The following MAPK4 variants were observed in gnomAD, a reference collection of about 807,000 sequenced individuals.
MAPK4 encodes the protein Erk3-related.
A neutral mutation model predicts 47.7 loss-of-function variants in MAPK4; 22 were observed. That is an observed-to-expected ratio of 0.46 (90% CI 0.33 to 0.66). MAPK4 has a LOEUF of 0.66. Among genes scored for constraint, MAPK4 ranks in the 30% least tolerant of loss-of-function variants. The pLI, the probability that MAPK4 is intolerant of heterozygous loss-of-function variation, is 0.02. For missense variants in MAPK4, 736 were observed against 831.7 expected (o/e 0.88, Z 1.42); for synonymous variants, 390 against 365.7 (o/e 1.07, Z -0.76).
chr18:50,687,738 G>C (rs1908964827), intron 2 of MAPK4, among the ~76,000 whole-genome samples: 1 of 152,144 alleles, frequency 6.6e-6, no homozygotes, highest in African/African-American at 2.4e-5. Context: ...CAAACACTTG[G>C]GCAGGACAAG....
At position 50,728,918 on chromosome 18, in the gene MAPK4, C is replaced by A. The variant is rs148290001; in HGVS notation, c.1068-240C>A. Among the ~76,000 whole-genome samples, 98 of 152,310 alleles carry A rather than the reference C, an allele frequency of 6.4e-4. 1 individual carries two copies. Among genetic ancestry groups the A allele is most frequent in the African/African-American group, 2.3e-3 (97 of 41,568 alleles). On this transcript the variant is annotated intron_variant, in intron 5 of 5. Transcript: ENST00000400384. ...AGTGAGTGCTGGCACATGGTAGGTG[C>A]GCAGGAAATATCTGCAGGGTTTCGA... is the stretch of plus-strand genomic sequence containing the variant.
intron 2 of MAPK4, among the ~76,000 whole-genome samples, chr18:50,698,181 A>G (rs540237989): frequency 6.6e-6 from 1 of 152,312 alleles, no homozygotes; most frequent in South Asian, 2.1e-4. Context: ...GCTACAATTC[A>G]ACAAGCTTCA....
chr18:50,657,458 G>T (rs2043121790), intron 1 of MAPK4, among the ~76,000 whole-genome samples: 1 of 152,138 alleles, frequency 6.6e-6, no homozygotes, highest in Non-Finnish European at 1.5e-5. Context: ...AGAAGCTGAG[G>T]CCGGAGTCAT....
intron 1 of MAPK4, among the ~76,000 whole-genome samples, chr18:50,627,526 G>T (rs1021516379): frequency 6.6e-6 from 1 of 152,192 alleles, no homozygotes; most frequent in African/African-American, 2.4e-5. Context: ...CTTCTGACTT[G>T]AAAGCAGAGC....
intron 2 of MAPK4, among the ~76,000 whole-genome samples, chr18:50,702,161 CAAAAAAAAAAA>C (rs36001271): frequency 1.0e-5 from 1 of 95,926 alleles, no homozygotes; most frequent in Non-Finnish European, 1.9e-5. Context: ...GATTCTGTCT[CAAAAAAAAAAA>C]AAAAAAAAAA....
chr18:50,625,243 C>A (rs2042766650), intron 1 of MAPK4, among the ~76,000 whole-genome samples: 1 of 152,176 alleles, frequency 6.6e-6, no homozygotes, highest in African/African-American at 2.4e-5. Flanking sequence ...AATGCAGGGT[C>A]TGCATCAGGG....
intron 1 of MAPK4, among the ~76,000 whole-genome samples, chr18:50,657,255 A>G (rs74782063): frequency 4.3e-4 from 65 of 152,286 alleles, no homozygotes; most frequent in African/African-American, 1.5e-3. Flanking sequence ...GAATTGTATT[A>G]CCACAGTTGG....
At chr18:50,658,380 G>A (rs1326446534) in intron 1 of MAPK4, among the ~76,000 whole-genome samples, 1 of 152,142 alleles carries the variant, frequency 6.6e-6, no homozygotes, top group Admixed American at 6.5e-5. Flanking sequence ...CGTGAGTGTT[G>A]GACTTGGACC....
chr18:50,637,836 G>A (rs768166568), intron 1 of MAPK4, among the ~76,000 whole-genome samples: 14 of 152,168 alleles, frequency 9.2e-5, no homozygotes, highest in Non-Finnish European at 1.3e-4. Context: ...TGTGGCCTAC[G>A]TCCTAACCTC....
At chr18:50,573,788 A>T (rs1181654420) in intron 1 of MAPK4, among the ~76,000 whole-genome samples, 1 of 152,232 alleles carries the variant, frequency 6.6e-6, no homozygotes, top group Non-Finnish European at 1.5e-5. Context: ...TGGTCAATAT[A>T]GGTCACATAT....
At chr18:50,679,746 T>C (rs1344246103) in intron 2 of MAPK4, among the ~76,000 whole-genome samples, 1 of 152,208 alleles carries the variant, frequency 6.6e-6, no homozygotes, top group Non-Finnish European at 1.5e-5. Flanking sequence ...CGCTCGGGCT[T>C]CCGCTTTGCC....
chr18:50,718,472 C>G (rs1279720856), intron 3 of MAPK4, among the ~76,000 whole-genome samples: 1 of 152,182 alleles, frequency 6.6e-6, no homozygotes, highest in African/African-American at 2.4e-5. Flanking sequence ...CCTGCCTCAG[C>G]CTCCCAAAGT....
intron 1 of MAPK4, among the ~76,000 whole-genome samples, chr18:50,661,401 G>A (rs139799246): frequency 6.6e-6 from 1 of 152,258 alleles, no homozygotes; most frequent in African/African-American, 2.4e-5. Flanking sequence ...TTAGTGGCTG[G>A]GCATCCTCAA....
chr18:50,593,582 T>C (rs569543946), intron 1 of MAPK4, among the ~76,000 whole-genome samples: 31 of 152,306 alleles, frequency 2.0e-4, no homozygotes, highest in African/African-American at 7.0e-4. Flanking sequence ...GCAGGACTTG[T>C]AGTGTGAGCT....
At chr18:50,565,276 G>A (rs2149355627) in intron 1 of MAPK4, among the ~76,000 whole-genome samples, 1 of 152,328 alleles carries the variant, frequency 6.6e-6, no homozygotes, top group Non-Finnish European at 1.5e-5. Context: ...GTCCACATGA[G>A]CAGCATCATA....
chr18:50,726,760 C>A (rs1911223330), intron 5 of MAPK4, among the ~76,000 whole-genome samples: 1 of 151,062 alleles, frequency 6.6e-6, no homozygotes, highest in Non-Finnish European at 1.5e-5. Context: ...ATTAGCCAGG[C>A]ATGGTGGCAC....
At chr18:50,643,814 C>T (rs1296728693) in intron 1 of MAPK4, among the ~76,000 whole-genome samples, 2 of 152,190 alleles carry the variant, frequency 1.3e-5, no homozygotes, top group African/African-American at 2.4e-5. Flanking sequence ...ATGGGGCTGA[C>T]GGCATCCTCC....
chr18:50,706,284 C>T (rs907011161), intron 2 of MAPK4: 2 of 152,116 alleles, frequency 1.3e-5, no homozygotes, highest in African/African-American at 2.4e-5. Flanking sequence ...ATACTACTTA[C>T]CTTTCCAAAG....
chr18:50,729,137 GCT>G lies in MAPK4; in HGVS notation c.1068-18_1068-17del, dbSNP rs772246367. On this transcript the variant is annotated intron_variant, in intron 5 of 5. Coordinates refer to ENST00000400384, the MANE Select transcript of MAPK4 (RefSeq NM_002747.4). ...TACCTGGCTTGGGCATCCAATCACCGCTCTGTTTGTACCCTTGCAGGTACCCT... is the reference window on the plus strand; with the variant it reads ...TACCTGGCTTGGGCATCCAATCACCGCTGTTTGTACCCTTGCAGGTACCCT... The G allele has an allele frequency of 5.2e-6, 8 of 1,530,188 alleles. No individual in the cohort carries two copies. The highest frequency in any genetic ancestry group is 4.1e-5 in the African/African-American group (3 of 72,972). The allele number at this position is 1,530,188 out of a possible 1,614,324, so 94.8% of individuals were successfully genotyped here.
Sources: allele counts gnomAD v4.1 joint callset (sites outside exome capture counted in the v4.1 genomes callset), GRCh38; gene constraint gnomAD v4.1.1; transcripts MANE v1.5; gene names NCBI Gene and HGNC (gene_info 2026-07-23, HGNC 2026-07-21).